Variants in PTPRU observed in about 807,000 individuals in gnomAD.
The protein encoded by PTPRU is receptor-type tyrosine-protein phosphatase U.
A neutral mutation model predicts 166.3 loss-of-function variants in PTPRU; 69 were observed. The observed-to-expected ratio is 0.41, with a 90% CI of 0.34 to 0.51. PTPRU has a LOEUF of 0.51. Ranked by LOEUF, PTPRU falls within the 20% of genes least tolerant of loss-of-function variation. PTPRU has a pLI of 0.09. For missense variants in PTPRU, 1,657 were observed against 2,013.7 expected (o/e 0.82, Z 3.39); for synonymous variants, 793 against 814.0 (o/e 0.97, Z 0.44).
Position 29,325,723 on chromosome 1 carries a change from C to A in PTPRU, c.*62C>A, listed in dbSNP as rs978386792. 5.5e-6 allele frequency: 8 copies of A among 1,463,104 alleles called. No individual in the cohort carries two copies. The African/African-American group carries it at 7.0e-5, about 13-fold the overall frequency. The allele number at this position is 1,463,104 out of a possible 1,614,324, so 90.6% of individuals were successfully genotyped here. On this transcript the variant is annotated 3_prime_UTR_variant, in exon 30 of 30. Coordinates refer to ENST00000373779, the MANE Select transcript of PTPRU (RefSeq NM_133178.4). ...GGCCAGACCCACCATCCTGGACTGG[C>A]GAGGAAGATCAGTGCCTCCTGCTCT...
Position 29,318,311 on chromosome 1 carries a change from G to A in PTPRU, c.3687+390G>A, listed in dbSNP as rs111749544. On this transcript the variant is annotated intron_variant, in intron 25 of 29. Transcript: ENST00000373779. The stretch of plus-strand genomic sequence containing the variant: ...GGAGAATGAGCTGGAGTCTGCTCCA[G>A]GACCAGGCCTGGGACAGTGATCTCT... Among the ~76,000 whole-genome samples the A allele has an allele frequency of 2.9e-3, 444 of 152,334 alleles. 4 individuals are homozygous for A. The highest frequency in any genetic ancestry group is 0.01 in the African/African-American group (427 of 41,568).
Position 29,317,929 on chromosome 1 carries a change from C to T in PTPRU, c.3687+8C>T. 6.2e-7 allele frequency: 1 copy of T among 1,613,490 alleles called. No homozygotes were observed. The highest frequency in any genetic ancestry group is 2.2e-5 in the East Asian group (1 of 44,880). On this transcript the variant is annotated splice_region_variant and intron_variant, in intron 25 of 29. Coordinates refer to ENST00000373779, the MANE Select transcript of PTPRU (RefSeq NM_133178.4). This position sits in a 1 kb window ranked among gnomAD's most constrained non-coding sequence, Gnocchi z 5.6. ...AATGCAGCCCTGACTGACGTGAGAG[C>T]TTGGGGTGGAGTGGGCTCTGGGGCT...
At chr1:29,310,908 A>G in intron 19 of PTPRU, 128 bp downstream of exon 19, 2 of 1,192,026 alleles carry the variant, frequency 1.7e-6, no homozygotes, top group Non-Finnish European at 2.5e-6. Flanking sequence ...CCGTCGCCAT[A>G]TTCTGGCTCC....
chr1:29,317,346 A>C lies in PTPRU; in HGVS notation c.3514-402A>C, dbSNP rs1687944554. Among the ~76,000 whole-genome samples the C allele has an allele frequency of 6.6e-6, 1 of 152,060 alleles. No individual in the cohort carries two copies. The highest frequency in any genetic ancestry group is 2.4e-5 in the African/African-American group (1 of 41,390). On this transcript the variant is annotated intron_variant, in intron 24 of 29. Transcript: ENST00000373779. The surrounding 1 kb of genome is among the most constrained non-coding windows in gnomAD (Gnocchi z 5.6). ...TGGGGTTTCAGGGGTTGCCTCAGTG[A>C]AGGCACTGGTCAGCTAGTAAAGTTC...
intron 1 of PTPRU, among the ~76,000 whole-genome samples, chr1:29,241,238 GGGT>G (rs1293785644): frequency 5.3e-5 from 8 of 152,124 alleles, no homozygotes; most frequent in Admixed American, 1.3e-4. Flanking sequence ...CTATTTGGAT[GGGT>G]GGTGTCTCGC....
Position 29,238,062 on chromosome 1 carries a change from G to A in PTPRU, c.73+1345G>A, listed in dbSNP as rs1683862735. Among the ~76,000 whole-genome samples, 1 of 151,800 alleles carries A rather than the reference G, an allele frequency of 6.6e-6. No homozygotes were observed. The highest frequency in any genetic ancestry group is 1.5e-5 in the Non-Finnish European group (1 of 67,882). ...CCTCCCGGCCGGCCGGGACCGCCAG[G>A]TGTGTGCTTGAGTGTGAGCGTGAGT... On this transcript the variant is annotated intron_variant, in intron 1 of 29. Coordinates refer to ENST00000373779, the MANE Select transcript of PTPRU (RefSeq NM_133178.4). This position sits in a 1 kb window ranked among gnomAD's most constrained non-coding sequence, Gnocchi z 6.1.
intron 8 of PTPRU, among the ~76,000 whole-genome samples, chr1:29,276,461 G>A (rs993457454): frequency 4.6e-5 from 7 of 152,034 alleles, no homozygotes. Flanking sequence ...GACTATAGAC[G>A]TGCACTGCCA....
intron 1 of PTPRU, among the ~76,000 whole-genome samples, chr1:29,254,958 A>C (rs940949176): frequency 1.3e-5 from 2 of 152,154 alleles, no homozygotes; most frequent in African/African-American, 4.8e-5. Flanking sequence ...AGTTCCAATA[A>C]TATAGCAATC....
In PTPRU at chr1:29,279,887, A is replaced by G; in HGVS notation, c.1766-152A>G. 1.1e-6 allele frequency: 1 copy of G among 949,502 alleles called. No individual in the cohort carries two copies. The highest frequency in any genetic ancestry group is 1.6e-6 in the Non-Finnish European group (1 of 633,790). 58.8% of individuals were successfully genotyped at this position (949,502 alleles called of 1,614,324 possible). A position where few individuals can be genotyped will look rare whatever the true frequency, so the allele number is the denominator to read the frequency against. ...GAGGTTGGGGCTGGTGCCTGAGGTC[A>G]GGGGCCAGGGTAGCTCAGGTCATGT... On this transcript the variant is annotated intron_variant, in intron 10 of 29. Transcript: ENST00000373779. The surrounding 1 kb of genome is among the most constrained non-coding windows in gnomAD (Gnocchi z 5.2).
intron 7 of PTPRU, among the ~76,000 whole-genome samples, chr1:29,267,201 C>A (rs1040025929): frequency 6.6e-6 from 1 of 152,132 alleles, no homozygotes; most frequent in Admixed American, 6.6e-5. Context: ...TGCACTCCAG[C>A]CTGGATGACA....
intron 18 of PTPRU, among the ~76,000 whole-genome samples, chr1:29,309,772 A>T (rs935212998): frequency 6.6e-6 from 1 of 152,244 alleles, no homozygotes; most frequent in African/African-American, 2.4e-5. Context: ...GAACCTTGGC[A>T]GTCTGGCCCC....
intron 7 of PTPRU, among the ~76,000 whole-genome samples, chr1:29,269,244 A>AGTTTTTT (rs1685447947): frequency 3.6e-5 from 1 of 27,610 alleles, no homozygotes; most frequent in Non-Finnish European, 7.1e-5. Flanking sequence ...ATATATATAT[A>AGTTTTTT]TATTTTTTTT....
At chr1:29,293,119 A>ACT (rs1253531064) in intron 15 of PTPRU, among the ~76,000 whole-genome samples, 1 of 152,156 alleles carries the variant, frequency 6.6e-6, no homozygotes, top group African/African-American at 2.4e-5. Context: ...AGCTGGGATT[A>ACT]CAGGTGTGCG....
intron 25 of PTPRU, among the ~76,000 whole-genome samples, chr1:29,318,192 A>G (rs1458554537): frequency 6.6e-6 from 1 of 152,134 alleles, no homozygotes; most frequent in African/African-American, 2.4e-5. Flanking sequence ...CTGGGGTAGG[A>G]TGAGTGATTC....
rs1314818938 is a variant in PTPRU, at chr1:29,280,090, A to G, written c.1817A>G (p.Asn606Ser). 6.2e-7 allele frequency: 1 copy of G among 1,613,604 alleles called. No homozygotes were observed. The highest frequency in any genetic ancestry group is 8.5e-7 in the Non-Finnish European group (1 of 1,180,010). Residue 606 changes from asparagine (N) to serine (S), a missense_variant, in exon 11 of 30, where the codon AAC becomes AGC. This residue lies in a region of PTPRU where 1,190 missense variants were observed against 1,477.4 expected (regional missense o/e 0.81). Coordinates refer to ENST00000373779, the MANE Select transcript of PTPRU (RefSeq NM_133178.4). This position sits in a 1 kb window ranked among gnomAD's most constrained non-coding sequence, Gnocchi z 4.2. ...CCGTCACCCCTGGGCGAGTCTGAGA[A>G]CACCATCACCGTGCTGCTGAGGCCG... is the stretch of plus-strand genomic sequence containing the variant. ...DMPSPLGESE[N>S]TITVLLRPAQ...
Position 29,283,664 on chromosome 1 carries a change from C to T in PTPRU, c.2143-276C>T, listed in dbSNP as rs1217469635. Reference sequence around the variant, plus strand: ...TAGCTGGACCTCTGGCCCTAGGCCTCGCCCCGATGCCCGAGGCCCCGCCCA... The same window carrying T: ...TAGCTGGACCTCTGGCCCTAGGCCTTGCCCCGATGCCCGAGGCCCCGCCCA... On this transcript the variant is annotated intron_variant, in intron 12 of 29. Transcript: ENST00000373779. The T allele has an allele frequency of 8.5e-5, 42 of 496,008 alleles. 1 individual carries two copies. In the South Asian group the frequency reaches 1.1e-3, roughly 13 times the overall value. 30.7% of individuals were successfully genotyped at this position (496,008 alleles called of 1,614,324 possible). A position where few individuals can be genotyped will look rare whatever the true frequency, so the allele number is the denominator to read the frequency against.
At chr1:29,304,875 T>C in intron 17 of PTPRU, 26 bp downstream of exon 17, 3 of 1,562,726 alleles carry the variant, frequency 1.9e-6, no homozygotes, top group Non-Finnish European at 1.8e-6. Context: ...GGGCCTGGGG[T>C]CCAGGGCAGT....
chr1:29,260,950 G>A lies in PTPRU; in HGVS notation c.1144+47G>A, dbSNP rs772222525. On this transcript the variant is annotated intron_variant, in intron 7 of 29. Coordinates refer to ENST00000373779, the MANE Select transcript of PTPRU (RefSeq NM_133178.4). This position sits in a 1 kb window ranked among gnomAD's most constrained non-coding sequence, Gnocchi z 8.3. ...GGCCTCAGTCTCTGGTGGGCCCAGG[G>A]CTATGGAGGGGCGCATTCGAGAGGT... is the stretch of plus-strand genomic sequence containing the variant. 1.6e-5 allele frequency: 24 copies of A among 1,468,710 alleles called. No homozygotes were observed. The East Asian group carries it at 6.0e-4, about 37-fold the overall frequency. The allele number at this position is 1,468,710 out of a possible 1,614,324, so 91.0% of individuals were successfully genotyped here.
chr1:29,283,208 GCCCACCTCCCATTGC>G (rs1339798744), intron 12 of PTPRU, among the ~76,000 whole-genome samples: 4 of 55,174 alleles, frequency 7.2e-5, no homozygotes, highest in African/African-American at 3.0e-4. Context: ...GCCTCCTTTT[GCCCACCTCCCATTGC>G]CCCACCTCCA....
Sources: gnomAD v4.1 joint callset for allele counts (sites outside exome capture counted in the v4.1 genomes callset) on GRCh38, gnomAD v4.1.1 for gene constraint, gnomAD v4.1.1 regional missense constraint, Gnocchi (gnomAD v3.1) non-coding constraint, MANE v1.5 for transcripts, NCBI Gene and HGNC (gene_info 2026-07-23, HGNC 2026-07-21) for gene names.